The following RIMBP2 variants were observed in gnomAD, a reference collection of about 807,000 sequenced individuals.
The protein encoded by RIMBP2 is RIMS-binding protein 2.
A neutral mutation model predicts 118.6 loss-of-function variants in RIMBP2; 48 were observed. The observed-to-expected ratio is 0.40, with a 90% confidence interval of 0.32 to 0.51. RIMBP2 has a LOEUF of 0.51. Ranked by LOEUF, RIMBP2 falls within the 20% of genes least tolerant of loss-of-function variation. The pLI, the probability that RIMBP2 is intolerant of heterozygous loss-of-function variation, is 0.41. For missense variants in RIMBP2, 1,551 were observed against 1,768.3 expected (o/e 0.88, Z 2.20); for synonymous variants, 762 against 742.9 (o/e 1.03, Z -0.42).
At chr12:130,711,411 G>A (rs957442241) in intron 1 of RIMBP2, among the ~76,000 whole-genome samples, 12 of 152,190 alleles carry the variant, frequency 7.9e-5, no homozygotes, top group Admixed American at 1.3e-4. Context: ...TTAGAATGTG[G>A]TGTCTGTGAC....
In RIMBP2 at chr12:130,473,271, G is replaced by A. The variant is rs189361648; in HGVS notation, c.103-2528C>T. ...CAGCTTAAGCGAGGCTCATTTAGGG[G>A]CCAACACAGGGAAAGTGCGACCTTT... On this transcript the variant is annotated intron_variant, in intron 5 of 22. Coordinates refer to ENST00000690449, the MANE Select transcript of RIMBP2 (RefSeq NM_001393629.1). 3.9e-5 allele frequency among the ~76,000 whole-genome samples: 6 copies of A among 152,340 alleles called. No individual in the cohort carries two copies. In the East Asian group the frequency reaches 1.2e-3, roughly 29 times the overall value.
intron 12 of RIMBP2, 31 bp downstream of exon 12, chr12:130,438,334 A>AGCCCCCCCCCCC: frequency 1.5e-6 from 2 of 1,344,518 alleles, no homozygotes; most frequent in Non-Finnish European, 2.1e-6. Context: ...GGGCCTAACA[A>AGCCCCCCCCCCC]ACCCTCCCCA....
chr12:130,615,442 C>T (rs557478491), intron 2 of RIMBP2, among the ~76,000 whole-genome samples: 2 of 151,864 alleles, frequency 1.3e-5, no homozygotes, highest in East Asian at 3.9e-4. Context: ...TCCAGAGTAG[C>T]TGGGATTACA....
intron 6 of RIMBP2, among the ~76,000 whole-genome samples, chr12:130,463,333 G>T (rs1390574617): frequency 6.6e-6 from 1 of 152,228 alleles, no homozygotes; most frequent in Non-Finnish European, 1.5e-5. Flanking sequence ...CGGCGCTAGG[G>T]TCTGCAGGGC....
At chr12:130,461,156 C>G (rs1193331886) in intron 6 of RIMBP2, among the ~76,000 whole-genome samples, 2 of 152,172 alleles carry the variant, frequency 1.3e-5, no homozygotes, top group South Asian at 4.1e-4. Context: ...GCCCTAGCCA[C>G]ACTGCCCTGC....
chr12:130,551,133 CAGA>C (rs1197186516), intron 2 of RIMBP2, among the ~76,000 whole-genome samples: 1 of 152,178 alleles, frequency 6.6e-6, no homozygotes, highest in Admixed American at 6.5e-5. Flanking sequence ...ACCTAACTCT[CAGA>C]AGATTAAATC....
chr12:130,526,774 T>C (rs2052833847), intron 2 of RIMBP2, among the ~76,000 whole-genome samples: 1 of 152,230 alleles, frequency 6.6e-6, no homozygotes, highest in Admixed American at 6.5e-5. Flanking sequence ...AAGAATGATG[T>C]AATTATCAAT....
chr12:130,455,212 G>C (rs745654548), intron 7 of RIMBP2, among the ~76,000 whole-genome samples: 9 of 152,234 alleles, frequency 5.9e-5, no homozygotes, highest in Non-Finnish European at 1.0e-4. Flanking sequence ...TGGGAAGAAC[G>C]GAAACCGTCT....
intron 2 of RIMBP2, among the ~76,000 whole-genome samples, chr12:130,545,864 A>G (rs2055091573): frequency 6.6e-6 from 1 of 152,098 alleles, no homozygotes; most frequent in Admixed American, 6.6e-5. Flanking sequence ...CTGTGCCAAT[A>G]CCGTTCTTAT....
At chr12:130,691,570 C>G (rs1195469408) in intron 1 of RIMBP2, among the ~76,000 whole-genome samples, 1 of 152,148 alleles carries the variant, frequency 6.6e-6, no homozygotes, top group East Asian at 1.9e-4. Flanking sequence ...ACTTGGGAGG[C>G]TCAGATGGGA....
At chr12:130,671,891 G>A (rs551451806) in intron 1 of RIMBP2, among the ~76,000 whole-genome samples, 2 of 152,336 alleles carry the variant, frequency 1.3e-5, no homozygotes, top group Non-Finnish European at 2.9e-5. Context: ...AGATGAGAAA[G>A]TCAGGCACCA....
intron 2 of RIMBP2, among the ~76,000 whole-genome samples, chr12:130,610,650 T>G (rs1213952294): frequency 7.5e-6 from 1 of 132,700 alleles, no homozygotes; most frequent in Admixed American, 9.1e-5. Flanking sequence ...AAGCTCCGCC[T>G]CCCGGGTTCA....
At chr12:130,472,897 C>T (rs1422533630) in intron 5 of RIMBP2, among the ~76,000 whole-genome samples, 2 of 152,092 alleles carry the variant, frequency 1.3e-5, no homozygotes, top group Non-Finnish European at 2.9e-5. Flanking sequence ...TCAGCTCAAC[C>T]GTCGAAGGCC....
intron 4 of RIMBP2, among the ~76,000 whole-genome samples, chr12:130,480,383 C>G (rs1045746863): frequency 2.6e-5 from 4 of 152,128 alleles, no homozygotes; most frequent in Non-Finnish European, 5.9e-5. Context: ...ATGGCATATA[C>G]CCCCGATGTC....
intron 4 of RIMBP2, among the ~76,000 whole-genome samples, chr12:130,492,760 C>T (rs1170483956): frequency 1.3e-5 from 2 of 152,130 alleles, no homozygotes; most frequent in Admixed American, 6.5e-5. Flanking sequence ...TCAGGTTCCA[C>T]GTTTATTGAA....
chr12:130,441,937 A>AT lies in RIMBP2; in HGVS notation c.1414_1415insA (p.Leu472HisfsTer84). The AT allele has an allele frequency of 6.2e-7, 1 of 1,614,046 alleles. No individual in the cohort carries two copies. Among genetic ancestry groups the AT allele is most frequent in the Non-Finnish European group, 8.5e-7 (1 of 1,180,046 alleles). On this transcript the variant is annotated frameshift_variant, in exon 11 of 23. Transcript: ENST00000690449. LOFTEE classifies it high-confidence loss of function. Reference sequence around the variant, plus strand: ...CCACGGCATCTGGTGGGGTTTGGCCAGAACCTTCACCTTATAGGCCATGTT... The same window carrying AT: ...CCACGGCATCTGGTGGGGTTTGGCCATGAACCTTCACCTTATAGGCCATGTT...
At chr12:130,611,138 C>T (rs985406597) in intron 2 of RIMBP2, among the ~76,000 whole-genome samples, 2 of 152,216 alleles carry the variant, frequency 1.3e-5, no homozygotes, top group African/African-American at 2.4e-5. Flanking sequence ...AGCCTGAACT[C>T]AGCCTCAGGC....
chr12:130,669,573 A>G (rs576456281), intron 1 of RIMBP2, among the ~76,000 whole-genome samples: 2 of 152,262 alleles, frequency 1.3e-5, no homozygotes, highest in African/African-American at 2.4e-5. Flanking sequence ...CCACCCTGTG[A>G]GAAGGTCAAG....
chr12:130,541,254 T>A (rs957853523), intron 2 of RIMBP2, among the ~76,000 whole-genome samples: 1 of 152,232 alleles, frequency 6.6e-6, no homozygotes, highest in East Asian at 1.9e-4. Context: ...ACTCTGAGAT[T>A]AGAGATCTTT....
Sources: gnomAD v4.1 joint callset for allele counts (sites outside exome capture counted in the v4.1 genomes callset) on GRCh38, gnomAD v4.1.1 for gene constraint, MANE v1.5 for transcripts, NCBI Gene and HGNC (gene_info 2026-07-23, HGNC 2026-07-21) for gene names.